The following TCP11L2 variants were observed in gnomAD, a reference collection of about 807,000 sequenced individuals.
TCP11L2 encodes the protein T-complex protein 11-like protein 2.
In TCP11L2, 39 loss-of-function variants were observed where a neutral mutation model predicts 50.7. The observed-to-expected ratio is 0.77, with a 90% CI of 0.60 to 1.01. TCP11L2 has a LOEUF of 1.01. Ranked by LOEUF, TCP11L2 falls within the 50% of genes least tolerant of loss-of-function variation. The pLI is 0.00. For synonymous variants in TCP11L2, 192 were observed against 219.3 expected, an observed-to-expected ratio of 0.88 and a Z score of 1.10; for missense variants, 612 against 614.7, an observed-to-expected ratio of 1.00 and a Z score of 0.05.
chr12:106,321,361 C>A, intron 4 of TCP11L2, 125 bp from the exon 5 acceptor site: 1 of 772,668 alleles, frequency 1.3e-6, no homozygotes, highest in Non-Finnish European at 2.1e-6. Context: ...CAGTCAGTGC[C>A]AACTTCTGTG....
chr12:106,301,107 T>C (rs962208050), upstream of TCP11L2, among the ~76,000 whole-genome samples: 2 of 152,174 alleles, frequency 1.3e-5, no homozygotes, highest in African/African-American at 4.8e-5. Context: ...TTGGCAGGAA[T>C]TGAAATTGGA....
chr12:106,335,991 A>AGG, intron 7 of TCP11L2, 41 bp from the exon 8 acceptor site: 1 of 1,534,654 alleles, frequency 6.5e-7, no homozygotes, highest in Non-Finnish European at 8.7e-7. Flanking sequence ...CATGCTATTG[A>AGG]GCTACCCTTT....
chr12:106,337,239 G>T (rs989687980), intron 8 of TCP11L2, among the ~76,000 whole-genome samples: 1 of 152,124 alleles, frequency 6.6e-6, no homozygotes, highest in Non-Finnish European at 1.5e-5. Flanking sequence ...TATTCAGAGA[G>T]CATATAAATT....
chr12:106,314,288 T>C, intron 2 of TCP11L2, 70 bp from the exon 3 acceptor site: 1 of 1,521,370 alleles, frequency 6.6e-7, no homozygotes, highest in Non-Finnish European at 9.0e-7. Flanking sequence ...AAACCTTATC[T>C]GCATCAGGAG....
At chr12:106,312,251 G>A in intron 2 of TCP11L2, 1 of 360,316 alleles carries the variant, frequency 2.8e-6, no homozygotes, top group Non-Finnish European at 5.0e-6. Flanking sequence ...TGGACATTTA[G>A]TTTCCATTTT....
rs1167082343 is a variant in TCP11L2, at chr12:106,318,413, T to C, written c.363T>C (p.Ala121=). 2.5e-6 allele frequency: 4 copies of C among 1,614,112 alleles called. No individual in the cohort carries two copies. The highest frequency in any genetic ancestry group is 2.5e-6 in the Non-Finnish European group (3 of 1,179,936). The stretch of plus-strand genomic sequence containing the variant: ...ACGTCTTGGATTCAGAACTAAATGC[T>C]GACCCTCCTGAGTTTGAACATGCCA... ...FWDVLDSELN[A]DPPEFEHAIK... is the part of the protein sequence containing the mutation. The change falls in exon 4 of 10, where the codon GCT becomes GCC. Residue 121 remains alanine (A), a synonymous_variant. Coordinates refer to ENST00000299045, the MANE Select transcript of TCP11L2 (RefSeq NM_152772.3).
upstream of TCP11L2, among the ~76,000 whole-genome samples, chr12:106,302,588 T>C (rs2034457451): frequency 6.6e-6 from 1 of 151,194 alleles, no homozygotes; most frequent in South Asian, 2.1e-4. Context: ...CGAAACACCC[T>C]CCCATCCGAG....
intron 1 of TCP11L2, among the ~76,000 whole-genome samples, chr12:106,308,102 A>G (rs1283634583): frequency 6.6e-6 from 1 of 152,238 alleles, no homozygotes; most frequent in Non-Finnish European, 1.5e-5. Flanking sequence ...TGAAGCTTTT[A>G]AATTTTCCAT....
At chr12:106,311,783 C>T (rs543307887) in intron 2 of TCP11L2, among the ~76,000 whole-genome samples, 5 of 151,492 alleles carry the variant, frequency 3.3e-5, no homozygotes, top group African/African-American at 4.8e-5. Context: ...ATCTTTTTCC[C>T]GTTTTTGCAT....
chr12:106,340,904 A>T lies in TCP11L2; in HGVS notation c.1221A>T (p.Arg407Ser), dbSNP rs371121161. The change falls in exon 9 of 10, where the codon AGA becomes AGT. Residue 407 changes from arginine (R) to serine (S), a missense_variant. Physicochemically the swap from Arg to Ser is moderately radical, Grantham distance 110. Coordinates refer to ENST00000299045, the MANE Select transcript of TCP11L2 (RefSeq NM_152772.3). ...CVEVNKTLME[R>S]GLPTLNAEIQ... The stretch of plus-strand genomic sequence containing the variant: ...AGGTTAACAAGACCCTGATGGAAAG[A>T]GGTTTACCCACTTTAAATGCTGAGA... 8.1e-6 allele frequency: 13 copies of T among 1,613,170 alleles called. No homozygotes were observed. The highest frequency in any genetic ancestry group is 5.1e-6 in the Non-Finnish European group (6 of 1,179,486).
At chr12:106,344,794 G>C (rs879834596) in intron 9 of TCP11L2, among the ~76,000 whole-genome samples, 1 of 152,170 alleles carries the variant, frequency 6.6e-6, no homozygotes, top group Admixed American at 6.5e-5. Context: ...TTTCTGTCCA[G>C]TATTATTAAT....
At position 106,317,551 on chromosome 12, in the gene TCP11L2, C is replaced by A. The variant is rs2035139641; in HGVS notation, c.294-793C>A. On this transcript the variant is annotated intron_variant, in intron 3 of 9. Coordinates refer to ENST00000299045, the MANE Select transcript of TCP11L2 (RefSeq NM_152772.3). Reference sequence around the variant, plus strand: ...AGATATACTTATCAAATTATGAATTCATTCACCATGCATGCATTTGTTAAG... The same window carrying A: ...AGATATACTTATCAAATTATGAATTAATTCACCATGCATGCATTTGTTAAG... Among the ~76,000 whole-genome samples the A allele has an allele frequency of 1.3e-5, 2 of 152,316 alleles. 1 individual carries two copies. Among genetic ancestry groups the A allele is most frequent in the Middle Eastern group, 6.8e-3 (2 of 294 alleles).
chr12:106,340,223 C>G (rs926460605), intron 8 of TCP11L2, among the ~76,000 whole-genome samples: 1 of 152,132 alleles, frequency 6.6e-6, no homozygotes, highest in Non-Finnish European at 1.5e-5. Context: ...TTTTCCTTAC[C>G]TACTAAATAA....
chr12:106,338,114 CTT>C (rs1565860286), intron 8 of TCP11L2, among the ~76,000 whole-genome samples: 1 of 152,150 alleles, frequency 6.6e-6, no homozygotes. Flanking sequence ...GCTAAGACAA[CTT>C]TTTTTGAAGA....
chr12:106,302,451 G>T (rs1216651964), upstream of TCP11L2, among the ~76,000 whole-genome samples: 1 of 148,588 alleles, frequency 6.7e-6, no homozygotes, highest in Non-Finnish European at 1.5e-5. Flanking sequence ...GCCCTGGCAG[G>T]CCCCGCCCCC....
At chr12:106,329,341 GTTGCAGGTGCCTCATGAGGCTGACC>G in intron 6 of TCP11L2, 1 of 1,536,122 alleles carries the variant, frequency 6.5e-7, no homozygotes, top group South Asian at 1.2e-5. Context: ...AAAAGCCGAG[GTTGCAGGTGCCTCATGAGGCTGACC>G]TTGCTTTTGG....
At chr12:106,298,300 A>G (rs1186636884), upstream of TCP11L2, among the ~76,000 whole-genome samples, 1 of 152,136 alleles carries the variant, frequency 6.6e-6, no homozygotes, top group Non-Finnish European at 1.5e-5. Context: ...CCTTATTTTT[A>G]GAGCTCACAG....
upstream of TCP11L2, among the ~76,000 whole-genome samples, chr12:106,302,457 C>G (rs1012685797): frequency 6.7e-6 from 1 of 149,848 alleles, no homozygotes; most frequent in African/African-American, 2.5e-5. Context: ...GCAGGCCCCG[C>G]CCCCAACGCC....
intron 3 of TCP11L2, 44 bp from the exon 4 acceptor site, chr12:106,318,300 A>G (rs770371092): frequency 1.3e-6 from 2 of 1,595,158 alleles, no homozygotes; most frequent in East Asian, 2.2e-5. Flanking sequence ...TAATCAGGAA[A>G]AAGTTATGCT....
Sources: gnomAD v4.1 joint callset for allele counts (sites outside exome capture counted in the v4.1 genomes callset) on GRCh38, gnomAD v4.1.1 for gene constraint, MANE v1.5 for transcripts, NCBI Gene and HGNC (gene_info 2026-07-23, HGNC 2026-07-21) for gene names.